TNN: variants seen among roughly 807,000 people sequenced by gnomAD.
The protein encoded by TNN is tenascin-N.
A neutral mutation model predicts 134.4 loss-of-function variants in TNN; 122 were observed. The ratio of observed to expected loss-of-function variants is 0.91; its 90% confidence interval spans 0.78 to 1.06. The LOEUF (loss-of-function observed/expected upper bound fraction) is 1.06, where lower values mean the gene tolerates loss of function less well. Among genes scored for constraint, TNN ranks in the 50% least tolerant of loss-of-function variants. The pLI, the probability that TNN is intolerant of heterozygous loss-of-function variation, is 0.00. For synonymous variants in TNN, 710 were observed against 670.3 expected (o/e 1.06, Z -0.91); for missense variants, 1,739 against 1,699.4 (o/e 1.02, Z -0.41).
chr1:175,079,541 C>A lies in TNN; in HGVS notation c.618C>A (p.Cys206Ter). 2 of 1,568,866 alleles carry A rather than the reference C, an allele frequency of 1.3e-6. No homozygotes were observed. Among genetic ancestry groups the A allele is most frequent in the Non-Finnish European group, 1.7e-6 (2 of 1,158,230 alleles). ...DCGYPACPEN[C>*]SGHGECVRGV... is the part of the protein sequence containing the mutation. The stretch of plus-strand genomic sequence containing the variant: ...GCTACCCGGCCTGCCCTGAGAACTG[C>A]AGCGGACACGGCGAGTGCGTGCGCG... Residue 206 changes from cysteine (C) to a stop codon, truncating the protein, a stop_gained, in exon 3 of 19, where the codon TGC becomes TGA. Transcript: ENST00000239462. LOFTEE classifies it high-confidence loss of function.
Position 175,079,706 on chromosome 1 carries a change from G to C in TNN, c.783G>C (p.Gln261His), listed in dbSNP as rs757034811. The change falls in exon 3 of 19, where the codon CAG (glutamine) becomes CAC (histidine). Residue 261 changes from glutamine (Q) to histidine (H), a missense_variant and splice_region_variant. Transcript: ENST00000239462. ...EEGFTGLDCA[Q>H]VVTPQGLQLL... ...GCTTCACAGGCCTGGACTGTGCCCA[G>C]GGTGAGAGCGGAGATGTGCCCTCGG... is the stretch of plus-strand genomic sequence containing the variant. The C allele has an allele frequency of 1.3e-6, 2 of 1,587,324 alleles. No individual in the cohort carries two copies. Among genetic ancestry groups the C allele is most frequent in the South Asian group, 2.3e-5 (2 of 88,504 alleles).
At position 175,128,715 on chromosome 1, in the gene TNN, G is replaced by A; in HGVS notation, c.3299G>A (p.Cys1100Tyr). Residue 1100 changes from cysteine (C) to tyrosine (Y), a missense_variant, in exon 15 of 19, where the codon TGT becomes TAT. Transcript: ENST00000239462. ...GCCAGCCGGCCCCTGCAGGTGTACT[G>A]TGACATGGAAACGGACGGAGGTGGC... is the stretch of plus-strand genomic sequence containing the variant. ...GDASRPLQVYCDMETDGGGWI... is the reference protein window; with the variant it reads ...GDASRPLQVYYDMETDGGGWI... 3.1e-6 allele frequency: 5 copies of A among 1,613,906 alleles called. No individual in the cohort carries two copies. The highest frequency in any genetic ancestry group is 2.5e-6 in the Non-Finnish European group (3 of 1,179,898).
chr1:175,083,637 C>T (rs961184785), intron 4 of TNN, 113 bp from the exon 5 acceptor site: 4 of 974,056 alleles, frequency 4.1e-6, no homozygotes, highest in Non-Finnish European at 6.0e-6. Flanking sequence ...GGGCTGAAGC[C>T]AGCTCTTGAG....
intron 11 of TNN, among the ~76,000 whole-genome samples, chr1:175,120,035 A>G (rs1675308926): frequency 6.6e-6 from 1 of 152,144 alleles, no homozygotes; most frequent in Admixed American, 6.5e-5. Flanking sequence ...AATTCTTAAA[A>G]CCACTGATTA....
At chr1:175,096,414 T>C (rs1346155413) in intron 7 of TNN, among the ~76,000 whole-genome samples, 2 of 152,204 alleles carry the variant, frequency 1.3e-5, no homozygotes, top group African/African-American at 4.8e-5. Flanking sequence ...ATGTCTGTGG[T>C]GCATGCTGAA....
intron 1 of TNN, among the ~76,000 whole-genome samples, chr1:175,072,692 C>T (rs1216698249): frequency 6.6e-6 from 1 of 152,110 alleles, no homozygotes; most frequent in Non-Finnish European, 1.5e-5. Context: ...TGAGGATTTC[C>T]CTTGCTCTCA....
chr1:175,128,301 G>C (rs1675583769), intron 14 of TNN, 137 bp downstream of exon 14: 1 of 906,612 alleles, frequency 1.1e-6, no homozygotes, highest in Admixed American at 3.0e-5. Flanking sequence ...AAATGGGGTT[G>C]TGTGTTCAAA....
chr1:175,077,584 G>A lies in TNN; in HGVS notation c.166G>A (p.Val56Ile). The A allele has an allele frequency of 6.2e-7, 1 of 1,614,234 alleles. No individual in the cohort carries two copies. Among genetic ancestry groups the A allele is most frequent in the Middle Eastern group, 1.6e-4 (1 of 6,062 alleles). ...YKIDVPKSAL[V>I]QVDADPQPLS... ...GATCGATGTGCCCAAGTCTGCCTTG[G>A]TTCAGGTTGACGCTGACCCTCAGCC... Residue 56 changes from valine to isoleucine, a missense_variant, in exon 2 of 19, where the codon GTT becomes ATT. Transcript: ENST00000239462.
At chr1:175,144,300 C>A in intron 17 of TNN, 87 bp from the exon 18 acceptor site, 2 of 1,318,706 alleles carry the variant, frequency 1.5e-6, no homozygotes, top group Non-Finnish European at 2.1e-6. Flanking sequence ...CATTTTCATG[C>A]CTAGAGATCT....
chr1:175,068,117 G>T (rs141956547), intron 1 of TNN, among the ~76,000 whole-genome samples, 182 bp downstream of exon 1: 2 of 152,166 alleles, frequency 1.3e-5, no homozygotes, highest in Admixed American at 6.5e-5. Flanking sequence ...CTCAGGACCC[G>T]TGTACTGCAT....
At chr1:175,073,318 T>G (rs1414377791) in intron 1 of TNN, among the ~76,000 whole-genome samples, 3 of 152,196 alleles carry the variant, frequency 2.0e-5, no homozygotes, top group East Asian at 3.9e-4. Flanking sequence ...GCGTGTGGCT[T>G]TTATCTTTGT....
At chr1:175,112,598 CTTTTTTTTTTTTTTTTTTTTTTTT>C (rs767531767) in intron 9 of TNN, among the ~76,000 whole-genome samples, 1 of 21,976 alleles carries the variant, frequency 4.6e-5, no homozygotes, top group Non-Finnish European at 8.3e-5. Flanking sequence ...GCCGGCCGAT[CTTTTTTTTTTTTTTTTTTTTTTTT>C]TTTTTTTTTT....
chr1:175,079,203 G>T, intron 2 of TNN, 130 bp from the exon 3 acceptor site: 123 of 936,598 alleles, frequency 1.3e-4, no homozygotes, highest in Middle Eastern at 2.4e-4. Context: ...AGCCGTGCAA[G>T]ACCCAGAAAT....
At chr1:175,129,797 G>A (rs563750451) in intron 15 of TNN, among the ~76,000 whole-genome samples, 7 of 152,224 alleles carry the variant, frequency 4.6e-5, no homozygotes, top group Admixed American at 3.9e-4. Flanking sequence ...TCCAAGATGC[G>A]AATGCATAGC....
chr1:175,098,429 G>A lies in TNN; in HGVS notation c.1953G>A (p.Val651=). The change falls in exon 9 of 19, where the codon GTG becomes GTA. Residue 651 remains valine, a synonymous_variant. Transcript: ENST00000239462. The part of the protein sequence containing the change: ...DPVQAAIDKY[V]VRYTSAGGET... ...TGCAGGCCGCCATTGACAAGTACGTGGTGCGCTACACCTCTGCTGGTGGAG... is the reference window on the plus strand; with the variant it reads ...TGCAGGCCGCCATTGACAAGTACGTAGTGCGCTACACCTCTGCTGGTGGAG... 1 of 1,614,172 alleles carries A rather than the reference G, an allele frequency of 6.2e-7. No individual in the cohort carries two copies. The highest frequency in any genetic ancestry group is 8.5e-7 in the Non-Finnish European group (1 of 1,180,032).
At chr1:175,113,508 T>C (rs1675090447) in intron 9 of TNN, among the ~76,000 whole-genome samples, 1 of 152,244 alleles carries the variant, frequency 6.6e-6, no homozygotes, top group Non-Finnish European at 1.5e-5. Flanking sequence ...CTTTGACTAT[T>C]GACAACTTGA....
In TNN at chr1:175,079,404, A is replaced by G. The variant is rs1196970275; in HGVS notation, c.481A>G (p.Arg161Gly). ...CTGCAGCTGCCACTGCGAAGAGGGC[A>G]GGGAGGGCCCCGCCTGCGAGCGGCT... ...ETCSCHCEEG[R>G]EGPACERLAC... The change falls in exon 3 of 19, where the codon AGG (arginine) becomes GGG (glycine). Residue 161 changes from arginine to glycine, a missense_variant. Physicochemically the swap from Arg to Gly is moderately radical, Grantham distance 125 (BLOSUM62 -2). Coordinates refer to ENST00000239462, the MANE Select transcript of TNN (RefSeq NM_022093.2). The G allele has an allele frequency of 1.3e-6, 2 of 1,597,166 alleles. No homozygotes were observed. Among genetic ancestry groups the G allele is most frequent in the African/African-American group, 2.7e-5 (2 of 74,562 alleles).
chr1:175,126,108 T>C (rs562328338), intron 12 of TNN, among the ~76,000 whole-genome samples: 1 of 148,916 alleles, frequency 6.7e-6, no homozygotes, highest in South Asian at 2.1e-4. Flanking sequence ...TTCTTTCTTT[T>C]TTTTTTTTTT....
intron 9 of TNN, among the ~76,000 whole-genome samples, chr1:175,102,003 G>C (rs1674736320): frequency 6.9e-6 from 1 of 144,288 alleles, no homozygotes; most frequent in East Asian, 2.4e-4. Flanking sequence ...GTGTCGATTG[G>C]TGCACTCACA....
Sources: gnomAD v4.1 joint callset for allele counts (sites outside exome capture counted in the v4.1 genomes callset) on GRCh38, gnomAD v4.1.1 for gene constraint, MANE v1.5 for transcripts, NCBI Gene and HGNC (gene_info 2026-07-23, HGNC 2026-07-21) for gene names.